The following PKIB variants were observed in gnomAD, a reference collection of about 807,000 sequenced individuals.
PKIB encodes cAMP-dependent protein kinase inhibitor beta.
PKIB carries 2 observed loss-of-function variants against 4.5 expected under a neutral mutation model. That is an observed-to-expected ratio of 0.44 (90% CI 0.18 to 1.39). The LOEUF is 1.39. PKIB is among the 40% of genes most tolerant of loss of function. The probability of loss-of-function intolerance (pLI) is 0.27; values close to 1 mark genes in which losing one functional copy is unlikely to be tolerated. For synonymous variants in PKIB, 38 were observed against 36.0 expected (o/e 1.06, Z -0.20); for missense variants, 94 against 92.6 (o/e 1.02, Z -0.06).
intron 2 of PKIB, among the ~76,000 whole-genome samples, chr6:122,573,224 C>T (rs1283450019): frequency 1.3e-5 from 2 of 152,040 alleles, no homozygotes; most frequent in East Asian, 3.9e-4. Context: ...CAACAAAATA[C>T]TAGCTAACTG....
rs990895824 is a variant in PKIB, at chr6:122,547,989, A to G, written c.-247-37932A>G. 4.6e-5 allele frequency among the ~76,000 whole-genome samples: 7 copies of G among 152,182 alleles called. No homozygotes were observed. The East Asian group carries it at 1.3e-3, about 29-fold the overall frequency. On this transcript the variant is annotated intron_variant, in intron 2 of 6. Transcript: ENST00000392491. Reference sequence around the variant, plus strand: ...CTCCAAACGCTAGGCCTAGGGAGACATAGGCCTTGGATACACAGGTTATAC... The same window carrying G: ...CTCCAAACGCTAGGCCTAGGGAGACGTAGGCCTTGGATACACAGGTTATAC...
chr6:122,527,397 C>T (rs1249463815), intron 2 of PKIB, among the ~76,000 whole-genome samples: 1 of 151,972 alleles, frequency 6.6e-6, no homozygotes, highest in Non-Finnish European at 1.5e-5. Flanking sequence ...ACATGCTTTT[C>T]CATTAAGCTT....
chr6:122,697,161 G>C (rs994535043), intron 3 of PKIB, among the ~76,000 whole-genome samples: 3 of 152,028 alleles, frequency 2.0e-5, no homozygotes, highest in African/African-American at 7.2e-5. Flanking sequence ...GGAATGATGT[G>C]ATTCACTTGT....
intron 1 of PKIB, among the ~76,000 whole-genome samples, chr6:122,629,689 T>C (rs191776628): frequency 6.6e-6 from 1 of 152,286 alleles, no homozygotes; most frequent in Non-Finnish European, 1.5e-5. Flanking sequence ...ACCCTTGATA[T>C]GATGTGATGA....
At chr6:122,679,021 C>G (rs1777796529) in intron 3 of PKIB, among the ~76,000 whole-genome samples, 1 of 152,192 alleles carries the variant, frequency 6.6e-6, no homozygotes, top group Non-Finnish European at 1.5e-5. Flanking sequence ...TTGTGTGACT[C>G]TCAGCAATCC....
At chr6:122,563,205 G>C (rs1308648231) in intron 2 of PKIB, among the ~76,000 whole-genome samples, 1 of 152,104 alleles carries the variant, frequency 6.6e-6, no homozygotes, top group Non-Finnish European at 1.5e-5. Context: ...GGCTTCCTGT[G>C]AGTCAAACTG....
chr6:122,606,627 C>T (rs1392675540), upstream of PKIB, among the ~76,000 whole-genome samples: 5 of 150,856 alleles, frequency 3.3e-5, no homozygotes, highest in African/African-American at 4.9e-5. Context: ...TGAGTCTTTA[C>T]AGGAAGTGAT....
At position 122,725,150 on chromosome 6, in the gene PKIB, A is replaced by C. The variant is rs1372202519; in HGVS notation, c.192A>C (p.Lys64Asn). Residue 64 changes from lysine (K) to asparagine (N), a missense_variant, in exon 5 of 5, where the codon AAA (lysine) becomes AAC (asparagine). Lys to Asn is a moderately conservative substitution (Grantham distance 94). Coordinates refer to ENST00000368452, the MANE Select transcript of PKIB (RefSeq NM_181795.3). ...CAGATGCAAAAGAGAAAGATGAAAA[A>C]ACAACACAAGACCAATTGGAAAAGC... ...VKEDAKEKDE[K>N]TTQDQLEKPQ... 6.2e-7 allele frequency: 1 copy of C among 1,610,944 alleles called. No homozygotes were observed. Among genetic ancestry groups the C allele is most frequent in the Non-Finnish European group, 8.5e-7 (1 of 1,178,940 alleles).
intron 3 of PKIB, among the ~76,000 whole-genome samples, chr6:122,706,757 G>A (rs1779072790): frequency 6.6e-6 from 1 of 152,080 alleles, no homozygotes; most frequent in Non-Finnish European, 1.5e-5. Flanking sequence ...ACATGCATAT[G>A]CCATTTTTCA....
chr6:122,514,219 GA>G (rs915190264), intron 2 of PKIB, among the ~76,000 whole-genome samples: 4 of 151,380 alleles, frequency 2.6e-5, no homozygotes, highest in South Asian at 2.1e-4. Context: ...AGTACACAGG[GA>G]AAAAAAAATT....
chr6:122,662,244 A>G (rs997125442), intron 2 of PKIB, among the ~76,000 whole-genome samples: 2 of 143,276 alleles, frequency 1.4e-5, no homozygotes, highest in African/African-American at 2.6e-5. Context: ...CTTTGGTGTC[A>G]TATCTAAGAA....
chr6:122,535,966 G>A (rs1305817563), intron 2 of PKIB, among the ~76,000 whole-genome samples: 1 of 152,172 alleles, frequency 6.6e-6, no homozygotes, highest in Non-Finnish European at 1.5e-5. Context: ...GAATCTGACA[G>A]AGTAAGACTC....
intron 2 of PKIB, among the ~76,000 whole-genome samples, chr6:122,658,883 A>G (rs1162533933): frequency 4.6e-5 from 4 of 86,066 alleles, no homozygotes; most frequent in Non-Finnish European, 6.8e-5. Context: ...CCTACTTACC[A>G]TCTGCCAGGC....
intron 2 of PKIB, among the ~76,000 whole-genome samples, chr6:122,579,575 AAAG>A (rs2114707411): frequency 6.6e-6 from 1 of 152,314 alleles, no homozygotes; most frequent in South Asian, 2.1e-4. Context: ...AATTAGTAAA[AAAG>A]CAAAGTATTA....
chr6:122,542,386 A>G (rs1777632915), intron 2 of PKIB, among the ~76,000 whole-genome samples: 1 of 151,966 alleles, frequency 6.6e-6, no homozygotes, highest in South Asian at 2.1e-4. Context: ...TCTGTTTGTT[A>G]GTTTTCCTTC....
chr6:122,679,910 T>C (rs945477569), intron 3 of PKIB, among the ~76,000 whole-genome samples: 1 of 152,180 alleles, frequency 6.6e-6, no homozygotes, highest in Non-Finnish European at 1.5e-5. Flanking sequence ...TTGTATAAGG[T>C]CCCTTAGATA....
intron 3 of PKIB, among the ~76,000 whole-genome samples, chr6:122,597,776 G>T (rs899988806): frequency 1.3e-5 from 2 of 152,176 alleles, no homozygotes; most frequent in Non-Finnish European, 2.9e-5. Flanking sequence ...GCCAATGTGG[G>T]AGTTCTGCCA....
chr6:122,634,432 T>C (rs528862673), intron 2 of PKIB, among the ~76,000 whole-genome samples: 1 of 152,252 alleles, frequency 6.6e-6, no homozygotes, highest in East Asian at 1.9e-4. Flanking sequence ...CTGGACCCCT[T>C]AGTGCTACAT....
chr6:122,487,955 A>C (rs1456654594), intron 2 of PKIB, among the ~76,000 whole-genome samples: 2 of 152,090 alleles, frequency 1.3e-5, no homozygotes, highest in African/African-American at 4.8e-5. Context: ...CACTCGTTTA[A>C]AGTGATATCT....
Sources: gnomAD v4.1 joint callset for allele counts (sites outside exome capture counted in the v4.1 genomes callset) on GRCh38, gnomAD v4.1.1 for gene constraint, MANE v1.5 for transcripts, NCBI Gene and HGNC (gene_info 2026-07-23, HGNC 2026-07-21) for gene names.